Variants in PRKAR1A observed in about 807,000 individuals in gnomAD.
The protein encoded by PRKAR1A is cAMP-dependent protein kinase type I-alpha regulatory subunit.
Under a neutral mutation model 52.0 loss-of-function variants are expected in PRKAR1A, and 3 were observed. The ratio of observed to expected loss-of-function variants is 0.06; its 90% CI spans 0.03 to 0.15. PRKAR1A has a LOEUF of 0.15. PRKAR1A is among the 10% of genes least tolerant of loss of function. PRKAR1A has a pLI of 1.00. For missense variants in PRKAR1A, 240 were observed against 477.4 expected (o/e 0.50, Z 4.63); for synonymous variants, 188 against 168.4 (o/e 1.12, Z -0.90).
intron 11 of PRKAR1A, among the ~76,000 whole-genome samples, chr17:68,545,715 T>C (rs187246423): frequency 2.7e-4 from 41 of 152,334 alleles, no homozygotes; most frequent in African/African-American, 9.9e-4. Flanking sequence ...AGAACTTCTG[T>C]CAAAATTGAA....
rs1424104933 is a variant in PRKAR1A, at chr17:68,532,825, C to T, written c.*2376C>T. ...CCGTCTTTCCTCTCTCTGTCCTTCC[C>T]CGAAAGTCTACTCGGGTGGGCAAAA... On this transcript the variant is annotated 3_prime_UTR_variant, in exon 11 of 11. Transcript: ENST00000589228. 13 of 1,066,272 alleles carry T rather than the reference C, an allele frequency of 1.2e-5. No individual in the cohort carries two copies. The highest frequency in any genetic ancestry group is 1.4e-5 in the Non-Finnish European group (12 of 879,786). The allele number at this position is 1,066,272 out of a possible 1,614,324, so 66.1% of individuals were successfully genotyped here.
the PRKAR1A span, chr17:68,457,507 G>A: frequency 4.1e-4 from 463 of 1,142,242 alleles, 12 homozygotes; most frequent in South Asian, 0.01. Context: ...GGGCCGGGTC[G>A]CCGGTCCTGC....
At chr17:68,542,690 C>CT in intron 11 of PRKAR1A, 3 of 1,609,370 alleles carry the variant, frequency 1.9e-6, no homozygotes, top group Non-Finnish European at 2.6e-6. Flanking sequence ...GGCCAGTACT[C>CT]TACCTGGAGA....
the PRKAR1A span, chr17:68,436,263 CA>C: frequency 2.4e-6 from 2 of 846,036 alleles, no homozygotes; most frequent in Non-Finnish European, 4.0e-6. Flanking sequence ...AACAACTCCC[CA>C]GTATTGCTTA....
Position 68,542,012 on chromosome 17 carries a change from C to T in PRKAR1A, c.974-9072C>T, listed in dbSNP as rs769508290. On this transcript the variant is annotated intron_variant, in intron 11 of 11. Coordinates refer to the PRKAR1A transcript ENST00000585981. ...CTCTTTTCCTGCCAGTGTGTAGGAG[C>T]GGATCCAGGGGTTGGGCACAGACAG... 62 of 1,613,878 alleles carry T rather than the reference C, an allele frequency of 3.8e-5. No individual in the cohort carries two copies. The highest frequency in any genetic ancestry group is 1.1e-4 in the East Asian group (5 of 44,874).
the PRKAR1A span, chr17:68,434,673 C>T: frequency 6.0e-5 from 95 of 1,594,858 alleles, 2 homozygotes; most frequent in East Asian, 2.0e-3. Flanking sequence ...AGTGGCTTTA[C>T]ACAGAGATGT....
the PRKAR1A span, among the ~76,000 whole-genome samples, chr17:68,445,437 A>C: frequency 1.3e-5 from 2 of 152,180 alleles, no homozygotes; most frequent in Admixed American, 6.5e-5. Flanking sequence ...ATTTCTACTC[A>C]GACTCTCCTC....
chr17:68,525,083 C>T (rs1186382674), intron 6 of PRKAR1A, 125 bp downstream of exon 6: 3 of 784,256 alleles, frequency 3.8e-6, no homozygotes, highest in African/African-American at 1.7e-5. Context: ...TTATTAATAC[C>T]TTTTGCCAAG....
the PRKAR1A span, among the ~76,000 whole-genome samples, chr17:68,482,188 A>T: frequency 8.7e-4 from 132 of 152,362 alleles, no homozygotes; most frequent in Middle Eastern, 6.8e-3. Flanking sequence ...AGCGACAGGG[A>T]AAAAGACAGA....
At chr17:68,499,366 AAAAG>A in the PRKAR1A span, among the ~76,000 whole-genome samples, 3 of 106,474 alleles carry the variant, frequency 2.8e-5, no homozygotes, top group Admixed American at 1.2e-4. Context: ...AGAAGGGAGG[AAAAG>A]AGAGAGAGAG....
the PRKAR1A span, among the ~76,000 whole-genome samples, chr17:68,466,225 G>T: frequency 2.6e-5 from 4 of 152,094 alleles, no homozygotes; most frequent in South Asian, 2.1e-4. Context: ...TGCCTCGCAC[G>T]TGCGGGGACC....
the PRKAR1A span, among the ~76,000 whole-genome samples, chr17:68,475,952 T>A: frequency 6.6e-6 from 1 of 152,132 alleles, no homozygotes; most frequent in Non-Finnish European, 1.5e-5. Context: ...TTGCAGAGAA[T>A]ATGGCAATGT....
At chr17:68,443,660 A>G in the PRKAR1A span, among the ~76,000 whole-genome samples, 1 of 152,246 alleles carries the variant, frequency 6.6e-6, no homozygotes, top group South Asian at 2.1e-4. Flanking sequence ...TGGCACCCAG[A>G]TAGATCTTGA....
the PRKAR1A span, among the ~76,000 whole-genome samples, chr17:68,482,648 C>T: frequency 1.3e-5 from 2 of 152,136 alleles, no homozygotes; most frequent in African/African-American, 2.4e-5. Context: ...TTAAGCTTAG[C>T]GTTATCAAAC....
chr17:68,451,016 C>G, the PRKAR1A span: 1 of 1,359,318 alleles, frequency 7.4e-7, no homozygotes, highest in Non-Finnish European at 9.8e-7. Flanking sequence ...GTCTTGCCGG[C>G]CAGGCGCCCT....
chr17:68,532,582 C>T lies in PRKAR1A; in HGVS notation c.*2133C>T. On this transcript the variant is annotated 3_prime_UTR_variant, in exon 11 of 11. Transcript: ENST00000589228. ...ATTCAAGGCTTTAAAAGTCATTATT[C>T]CTGGGCTTGGTAAGTGAATTTATGA... 1 of 1,066,046 alleles carries T rather than the reference C, an allele frequency of 9.4e-7. No individual in the cohort carries two copies. Among genetic ancestry groups the T allele is most frequent in the South Asian group, 4.6e-5 (1 of 21,976 alleles). The allele number at this position is 1,066,046 out of a possible 1,614,324, so 66.0% of individuals were successfully genotyped here. A position where few individuals can be genotyped will look rare whatever the true frequency, so the allele number is the denominator to read the frequency against.
downstream of PRKAR1A, chr17:68,535,914 T>C: frequency 2.2e-6 from 1 of 454,092 alleles, no homozygotes; most frequent in Non-Finnish European, 4.4e-6. Context: ...AACCACTAAA[T>C]TGTGTGATTT....
the PRKAR1A span, among the ~76,000 whole-genome samples, chr17:68,491,840 C>G: frequency 6.6e-6 from 1 of 151,970 alleles, no homozygotes; most frequent in Admixed American, 6.6e-5. Flanking sequence ...AGAAGAAGGC[C>G]CTATGGAGGT....
At chr17:68,494,181 C>G in the PRKAR1A span, among the ~76,000 whole-genome samples, 4 of 152,314 alleles carry the variant, frequency 2.6e-5, no homozygotes, top group South Asian at 2.1e-4. Context: ...ACACTCTTTC[C>G]GTTGACGGAC....
Sources: gnomAD v4.1 joint callset for allele counts (sites outside exome capture counted in the v4.1 genomes callset) on GRCh38, gnomAD v4.1.1 for gene constraint, MANE v1.5 for transcripts, NCBI Gene and HGNC (gene_info 2026-07-23, HGNC 2026-07-21) for gene names.